Variants in MYO16 observed in about 807,000 individuals in gnomAD.
MYO16 encodes unconventional myosin-XVI.
MYO16 carries 94 observed loss-of-function variants against 205.3 expected under a neutral mutation model. That is an observed-to-expected ratio of 0.46 (90% confidence interval 0.39 to 0.54). The LOEUF is 0.54. MYO16 is among the 20% of genes least tolerant of loss of function. The pLI is 0.00. For synonymous variants in MYO16, 988 were observed against 954.0 expected (o/e 1.04, Z -0.66); for missense variants, 2,315 against 2,387.5 (o/e 0.97, Z 0.63).
intron 20 of MYO16, among the ~76,000 whole-genome samples, chr13:108,975,199 T>G (rs186814857): frequency 2.6e-5 from 4 of 151,756 alleles, no homozygotes; most frequent in Non-Finnish European, 4.4e-5. Flanking sequence ...TGTTTTTTTT[T>G]TTATTAAAAA....
intron 27 of MYO16, among the ~76,000 whole-genome samples, chr13:109,079,730 T>G (rs1452324111): frequency 1.3e-5 from 2 of 152,130 alleles, no homozygotes; most frequent in African/African-American, 4.8e-5. Flanking sequence ...AACCTGCACA[T>G]GTACCCTTGT....
chr13:108,645,751 G>A (rs1257419519), intron 1 of MYO16, among the ~76,000 whole-genome samples: 1 of 152,128 alleles, frequency 6.6e-6, no homozygotes, highest in Non-Finnish European at 1.5e-5. Flanking sequence ...ATGCATAATG[G>A]CCTCAGGTGG....
At chr13:108,661,989 G>A (rs917681723) in intron 1 of MYO16, among the ~76,000 whole-genome samples, 1 of 152,154 alleles carries the variant, frequency 6.6e-6, no homozygotes, top group African/African-American at 2.4e-5. Flanking sequence ...CTTTGATGTA[G>A]TACTCTCCCC....
chr13:108,614,729 A>C (rs1263732894), intron 1 of MYO16, among the ~76,000 whole-genome samples: 1 of 152,116 alleles, frequency 6.6e-6, no homozygotes, highest in Non-Finnish European at 1.5e-5. Context: ...GGAAGAGTCT[A>C]TTCAACAAAT....
the MYO16 span, among the ~76,000 whole-genome samples, chr13:108,577,537 C>A: frequency 5.3e-5 from 8 of 152,198 alleles, no homozygotes; most frequent in African/African-American, 1.7e-4. Flanking sequence ...CCAACTCTTC[C>A]TGCCAGCATC....
intron 2 of MYO16, among the ~76,000 whole-genome samples, chr13:108,701,656 A>T (rs1018915207): frequency 5.9e-5 from 9 of 152,242 alleles, no homozygotes; most frequent in African/African-American, 2.2e-4. Context: ...AAAAATTATG[A>T]GATATTCAAA....
At chr13:108,712,771 C>G (rs1448850035) in intron 3 of MYO16, 40 bp downstream of exon 3, 1 of 1,536,362 alleles carries the variant, frequency 6.5e-7, no homozygotes. Context: ...ATGGGGACAC[C>G]CGGGGGAGAG....
At chr13:109,110,386 A>G (rs1053892076) in intron 28 of MYO16, among the ~76,000 whole-genome samples, 18 of 152,244 alleles carry the variant, frequency 1.2e-4, no homozygotes, top group Non-Finnish European at 1.3e-4. Flanking sequence ...TCAAAATAGT[A>G]ACTTTTATTC....
chr13:109,075,903 C>T (rs751809049), intron 27 of MYO16, among the ~76,000 whole-genome samples: 3 of 152,128 alleles, frequency 2.0e-5, no homozygotes, highest in African/African-American at 7.2e-5. Flanking sequence ...TTTTTCTTAA[C>T]TGTTTGATAG....
At chr13:108,521,858 T>C in the MYO16 span, among the ~76,000 whole-genome samples, 1 of 152,216 alleles carries the variant, frequency 6.6e-6, no homozygotes, top group Admixed American at 6.5e-5. Flanking sequence ...CGTTTTATAC[T>C]TTCTCTAGAT....
chr13:108,687,344 C>A (rs1882719844), intron 2 of MYO16, among the ~76,000 whole-genome samples: 1 of 152,130 alleles, frequency 6.6e-6, no homozygotes, highest in African/African-American at 2.4e-5. Flanking sequence ...CAGTATCCTA[C>A]ATAATTATAA....
At chr13:109,017,211 C>T (rs939080841) in intron 22 of MYO16, among the ~76,000 whole-genome samples, 5 of 152,112 alleles carry the variant, frequency 3.3e-5, no homozygotes, top group Admixed American at 1.3e-4. Flanking sequence ...TTTTATTTCT[C>T]CTTCATTTAT....
intron 6 of MYO16, among the ~76,000 whole-genome samples, chr13:108,804,296 G>T (rs1468235269): frequency 6.6e-6 from 1 of 152,116 alleles, no homozygotes; most frequent in Non-Finnish European, 1.5e-5. Context: ...ATTTTTCGTG[G>T]GAACTGTGTT....
At chr13:108,667,452 T>A (rs1277544240) in intron 2 of MYO16, among the ~76,000 whole-genome samples, 1 of 151,982 alleles carries the variant, frequency 6.6e-6, no homozygotes, top group African/African-American at 2.4e-5. Flanking sequence ...CATTGTATCA[T>A]ATTTTCTGGA....
chr13:108,713,598 C>T (rs569854402), intron 3 of MYO16, among the ~76,000 whole-genome samples: 42 of 152,256 alleles, frequency 2.8e-4, no homozygotes, highest in African/African-American at 3.9e-4. Flanking sequence ...GTAGCTTGAC[C>T]GCTGGGAGTT....
intron 34 of MYO16, among the ~76,000 whole-genome samples, chr13:109,205,693 G>A (rs1012569068): frequency 2.6e-5 from 4 of 152,126 alleles, no homozygotes; most frequent in Non-Finnish European, 5.9e-5. Context: ...GGTGACCCCA[G>A]CTACATAGCC....
chr13:108,523,940 G>A, the MYO16 span, among the ~76,000 whole-genome samples: 1 of 152,232 alleles, frequency 6.6e-6, no homozygotes, highest in Non-Finnish European at 1.5e-5. Flanking sequence ...GAATGGTTTA[G>A]CACCATCCTT....
the MYO16 span, among the ~76,000 whole-genome samples, chr13:108,588,407 G>T: frequency 1.3e-5 from 2 of 152,086 alleles, no homozygotes; most frequent in African/African-American, 4.8e-5. Flanking sequence ...ATGGAAAGTG[G>T]GGCATACATA....
intron 16 of MYO16, among the ~76,000 whole-genome samples, chr13:108,946,423 T>C (rs1882944034): frequency 6.6e-6 from 1 of 152,192 alleles, no homozygotes; most frequent in African/African-American, 2.4e-5. Context: ...CCAGATATAC[T>C]GGGAACCTAT....
Sources: allele counts gnomAD v4.1 joint callset (sites outside exome capture counted in the v4.1 genomes callset), GRCh38; gene constraint gnomAD v4.1.1; transcripts MANE v1.5; gene names NCBI Gene and HGNC (gene_info 2026-07-23, HGNC 2026-07-21).